Variants in CASQ2 observed in about 807,000 individuals in gnomAD.
CASQ2 encodes the protein calsequestrin-2.
CASQ2 carries 49 observed loss-of-function variants against 46.5 expected under a neutral mutation model. That is an observed-to-expected ratio of 1.05 (90% confidence interval 0.84 to 1.34). CASQ2 has a LOEUF of 1.34. Ranked by LOEUF, CASQ2 falls within the 40% of genes most tolerant of loss-of-function variation. CASQ2 has a pLI of 0.00. For missense variants in CASQ2, 486 were observed against 481.3 expected, an observed-to-expected ratio of 1.01 and a Z score of -0.09; for synonymous variants, 174 against 168.5, an observed-to-expected ratio of 1.03 and a Z score of -0.25.
At chr1:115,766,260 C>G (rs916226279) in intron 1 of CASQ2, among the ~76,000 whole-genome samples, 1 of 152,234 alleles carries the variant, frequency 6.6e-6, no homozygotes, top group East Asian at 1.9e-4. Context: ...GCACTGATTT[C>G]AGGAGTAGTA....
chr1:115,720,549 C>A (rs77458512), intron 7 of CASQ2, among the ~76,000 whole-genome samples: 10,296 of 152,212 alleles, frequency 0.068, 471 homozygotes, highest in Middle Eastern at 0.12. Flanking sequence ...TGAATTTATT[C>A]CCCTGCAGGG....
intron 3 of CASQ2, among the ~76,000 whole-genome samples, chr1:115,739,327 G>A (rs1015517945): frequency 6.6e-6 from 1 of 151,582 alleles, no homozygotes; most frequent in African/African-American, 2.4e-5. Flanking sequence ...GTATTAGCCA[G>A]GATGGTCTCG....
intron 8 of CASQ2, among the ~76,000 whole-genome samples, chr1:115,706,449 C>T (rs921506810): frequency 3.9e-5 from 6 of 152,118 alleles, no homozygotes; most frequent in Non-Finnish European, 7.4e-5. Flanking sequence ...GAACAGGTAA[C>T]GATGACCCAT....
chr1:115,726,091 T>A (rs1647578308), intron 6 of CASQ2, among the ~76,000 whole-genome samples: 1 of 152,238 alleles, frequency 6.6e-6, no homozygotes, highest in Non-Finnish European at 1.5e-5. Context: ...GCTGGACATA[T>A]TAATATTTGC....
At chr1:115,718,703 G>A (rs1647259487) in intron 7 of CASQ2, among the ~76,000 whole-genome samples, 1 of 152,126 alleles carries the variant, frequency 6.6e-6, no homozygotes, top group South Asian at 2.1e-4. Flanking sequence ...GTGGGGGCAG[G>A]GGCAGGAAGA....
Position 115,701,149 on chromosome 1 carries a change from G to A in CASQ2, c.*92C>T. On this transcript the variant is annotated 3_prime_UTR_variant, in exon 11 of 11. Coordinates refer to ENST00000261448, the MANE Select transcript of CASQ2 (RefSeq NM_001232.4). Reference sequence around the variant, plus strand: ...TGGAAAAGGGAAAGGAGCTGGCTGGGTGTGGGGCAGAATTGCTTGCTGCCA... The same window carrying A: ...TGGAAAAGGGAAAGGAGCTGGCTGGATGTGGGGCAGAATTGCTTGCTGCCA... The A allele has an allele frequency of 1.2e-6, 2 of 1,601,426 alleles. No individual in the cohort carries two copies. Among genetic ancestry groups the A allele is most frequent in the Non-Finnish European group, 1.7e-6 (2 of 1,170,322 alleles).
chr1:115,751,583 A>C (rs960337543), intron 1 of CASQ2, among the ~76,000 whole-genome samples: 1 of 151,998 alleles, frequency 6.6e-6, no homozygotes, highest in African/African-American at 2.4e-5. Context: ...GAGGTAGGAG[A>C]ATGGCGTGAG....
At chr1:115,733,348 T>C (rs999673974) in intron 4 of CASQ2, among the ~76,000 whole-genome samples, 1 of 152,144 alleles carries the variant, frequency 6.6e-6, no homozygotes, top group Non-Finnish European at 1.5e-5. Context: ...CTAGAGAGAG[T>C]GCAGTTTGCC....
chr1:115,713,559 G>A (rs990070505), intron 8 of CASQ2, among the ~76,000 whole-genome samples: 5 of 152,178 alleles, frequency 3.3e-5, no homozygotes, highest in Admixed American at 2.0e-4. Flanking sequence ...AACTGCTGGG[G>A]GAAGAAAGTG....
chr1:115,715,171 G>A lies in CASQ2; in HGVS notation c.838+2669C>T, dbSNP rs561003368. Among the ~76,000 whole-genome samples the A allele has an allele frequency of 6.6e-5, 10 of 152,318 alleles. 1 individual carries two copies. The highest frequency in any genetic ancestry group is 6.5e-4 in the Admixed American group (10 of 15,306). On this transcript the variant is annotated intron_variant, in intron 8 of 10. Coordinates refer to ENST00000261448, the MANE Select transcript of CASQ2 (RefSeq NM_001232.4). Reference sequence around the variant, plus strand: ...ATCCGATTCTGTTTGATTATAGCTTGTAAACCTTAGGCAATTGGCTTCCTT... The same window carrying A: ...ATCCGATTCTGTTTGATTATAGCTTATAAACCTTAGGCAATTGGCTTCCTT...
At chr1:115,710,882 A>G (rs184472819) in intron 8 of CASQ2, among the ~76,000 whole-genome samples, 5 of 152,304 alleles carry the variant, frequency 3.3e-5, no homozygotes, top group Admixed American at 3.3e-4. Context: ...TCTGGGAATC[A>G]CATCTTTGTG....
intron 1 of CASQ2, among the ~76,000 whole-genome samples, chr1:115,749,388 T>C (rs1303987329): frequency 1.3e-5 from 2 of 152,176 alleles, no homozygotes; most frequent in Non-Finnish European, 2.9e-5. Flanking sequence ...GGAGGTGCTA[T>C]CTCAAATGAA....
At chr1:115,717,714 G>T in intron 8 of CASQ2, 126 bp downstream of exon 8, 1 of 793,718 alleles carries the variant, frequency 1.3e-6, no homozygotes, top group South Asian at 1.3e-5. Context: ...GCGACCACCA[G>T]GGGGTGCCCA....
chr1:115,729,170 C>A (rs907088873), intron 5 of CASQ2, among the ~76,000 whole-genome samples: 1 of 151,490 alleles, frequency 6.6e-6, no homozygotes, highest in East Asian at 1.9e-4. Flanking sequence ...CTGCCTCAGC[C>A]TCCCGAGTAG....
Position 115,725,557 on chromosome 1 carries a change from G to GAAAAAAAAAAAAAAAAAAAAAAA in CASQ2, c.738-27_738-5dup. 5 of 1,401,646 alleles carry GAAAAAAAAAAAAAAAAAAAAAAA rather than the reference G, an allele frequency of 3.6e-6. 1 individual carries two copies. Among genetic ancestry groups the GAAAAAAAAAAAAAAAAAAAAAAA allele is most frequent in the Admixed American group, 2.4e-5 (1 of 42,032 alleles). 86.8% of individuals were successfully genotyped at this position (1,401,646 alleles called of 1,614,324 possible). A position where few individuals can be genotyped will look rare whatever the true frequency, so the allele number is the denominator to read the frequency against. On this transcript the variant is annotated splice_region_variant and splice_polypyrimidine_tract_variant and intron_variant, in intron 6 of 10. Coordinates refer to ENST00000261448, the MANE Select transcript of CASQ2 (RefSeq NM_001232.4). ...GCGCAGGCGACGTAGAGTGGGTCTGGAAAAAAAAAAAAAAAAAAAAAAAGA... is the reference window on the plus strand; with the variant it reads ...GCGCAGGCGACGTAGAGTGGGTCTGGAAAAAAAAAAAAAAAAAAAAAAAAAAAAAAAAAAAAAAAAAAAAAAGA...
At chr1:115,767,054 T>C (rs1649161468) in intron 1 of CASQ2, among the ~76,000 whole-genome samples, 3 of 152,166 alleles carry the variant, frequency 2.0e-5, no homozygotes, top group African/African-American at 7.2e-5. Context: ...TAGGGGAGAA[T>C]CCTTATGCCT....
At chr1:115,761,159 C>T (rs78881959) in intron 1 of CASQ2, among the ~76,000 whole-genome samples, 2,437 of 151,320 alleles carry the variant, frequency 0.016, 88 homozygotes, top group African/African-American at 0.057. Context: ...CCAAGCACTG[C>T]TACCTCATCT....
At chr1:115,762,999 AT>A (rs1206250702) in intron 1 of CASQ2, among the ~76,000 whole-genome samples, 2 of 152,266 alleles carry the variant, frequency 1.3e-5, no homozygotes, top group Non-Finnish European at 2.9e-5. Context: ...CAGTGCATTT[AT>A]TTAGTTGTGT....
intron 8 of CASQ2, among the ~76,000 whole-genome samples, chr1:115,715,496 T>C (rs1212946427): frequency 1.3e-5 from 2 of 152,226 alleles, no homozygotes; most frequent in Non-Finnish European, 2.9e-5. Context: ...ATATGAAATG[T>C]CCAGAATAGG....
Sources: gnomAD v4.1 joint callset for allele counts (sites outside exome capture counted in the v4.1 genomes callset) on GRCh38, gnomAD v4.1.1 for gene constraint, MANE v1.5 for transcripts, NCBI Gene and HGNC (gene_info 2026-07-23, HGNC 2026-07-21) for gene names.